The following CEP192 variants were observed in gnomAD, a reference collection of about 807,000 sequenced individuals.
CEP192 encodes the protein centrosomal protein 192, also known as centrosomal protein of 192 kDa.
Under a neutral mutation model 271.8 loss-of-function variants are expected in CEP192, and 151 were observed. That is an observed-to-expected ratio of 0.56 (90% CI 0.49 to 0.64). The LOEUF is 0.64. Ranked by LOEUF, CEP192 falls within the 30% of genes least tolerant of loss-of-function variation. CEP192 has a pLI of 0.00. For synonymous variants in CEP192, 995 were observed against 1,076.5 expected (o/e 0.92, Z 1.48); for missense variants, 2,910 against 3,020.5 (o/e 0.96, Z 0.86).
intron 1 of CEP192, among the ~76,000 whole-genome samples, chr18:12,998,095 T>A (rs1289321608): frequency 6.6e-6 from 1 of 152,220 alleles, no homozygotes; most frequent in East Asian, 1.9e-4. Flanking sequence ...CCATACTGTC[T>A]AAAATCTATG....
At chr18:13,046,480 T>C (rs1430561547) in intron 15 of CEP192, among the ~76,000 whole-genome samples, 2 of 152,214 alleles carry the variant, frequency 1.3e-5, no homozygotes, top group Non-Finnish European at 2.9e-5. Flanking sequence ...CTTTGTTCTT[T>C]TTCTTTTGGC....
chr18:13,098,522 C>T (rs1266020969), intron 36 of CEP192, among the ~76,000 whole-genome samples: 7 of 151,302 alleles, frequency 4.6e-5, no homozygotes, highest in Admixed American at 6.6e-5. Context: ...CGGGCAGAGG[C>T]GCTCCTCACA....
intron 4 of CEP192, among the ~76,000 whole-genome samples, chr18:13,011,194 T>C (rs1343259503): frequency 6.7e-6 from 1 of 148,524 alleles, no homozygotes; most frequent in Non-Finnish European, 1.5e-5. Context: ...GCCACTGCAT[T>C]CCAGCCTGGG....
At chr18:13,103,366 T>C in intron 38 of CEP192, 143 bp from the exon 39 acceptor site, 1 of 637,214 alleles carries the variant, frequency 1.6e-6, no homozygotes, top group Non-Finnish European at 2.8e-6. Context: ...TTAAAGAAAA[T>C]ACTGTGGTTC....
chr18:13,040,808 T>C (rs2036160487), intron 13 of CEP192, 22 bp from the exon 14 acceptor site: 1 of 1,555,624 alleles, frequency 6.4e-7, no homozygotes. Flanking sequence ...AAAGAAATAA[T>C]TTACCTTTAA....
At chr18:13,113,130 C>T (rs971607397) in intron 40 of CEP192, among the ~76,000 whole-genome samples, 26 of 152,188 alleles carry the variant, frequency 1.7e-4, no homozygotes, top group Non-Finnish European at 4.4e-5. Flanking sequence ...TTGTCTTGTT[C>T]TGCCTCCTGT....
intron 15 of CEP192, among the ~76,000 whole-genome samples, chr18:13,045,831 A>G (rs1187681169): frequency 6.6e-6 from 1 of 152,156 alleles, no homozygotes; most frequent in Non-Finnish European, 1.5e-5. Flanking sequence ...CTTTTTTCCT[A>G]AATCTAGTCT....
rs114402161 is a variant in CEP192, at chr18:12,993,710, C to T, written c.-5+2273C>T. On this transcript the variant is annotated intron_variant, in intron 1 of 44. Transcript: ENST00000506447. ...TGCCTAGGTGGGAATCCTCTGGCCTCATTTGTGCTATGTGGACTGGAAACG... is the reference window on the plus strand; with the variant it reads ...TGCCTAGGTGGGAATCCTCTGGCCTTATTTGTGCTATGTGGACTGGAAACG... Among the ~76,000 whole-genome samples the T allele has an allele frequency of 3.0e-3, 450 of 152,282 alleles. 6 individuals carry two copies. The East Asian group carries it at 0.036, about 12-fold the overall frequency.
chr18:13,013,888 G>C (rs1020731102), intron 5 of CEP192, among the ~76,000 whole-genome samples: 1 of 152,164 alleles, frequency 6.6e-6, no homozygotes. Context: ...ATGCAAAAGG[G>C]TCTAAAGTAA....
chr18:13,071,411 C>T (rs1318912766), intron 28 of CEP192, among the ~76,000 whole-genome samples, 199 bp downstream of exon 28: 4 of 152,320 alleles, frequency 2.6e-5, no homozygotes, highest in South Asian at 4.1e-4. Flanking sequence ...GAGCACCTGA[C>T]GCATGACCAA....
chr18:13,104,259 C>T (rs796747092), intron 39 of CEP192, among the ~76,000 whole-genome samples: 17 of 152,286 alleles, frequency 1.1e-4, no homozygotes, highest in African/African-American at 4.1e-4. Flanking sequence ...GTCATATGTT[C>T]CCAGCCAGCG....
At chr18:13,107,304 TGAG>T (rs1160789332) in intron 40 of CEP192, among the ~76,000 whole-genome samples, 1 of 152,218 alleles carries the variant, frequency 6.6e-6, no homozygotes, top group Non-Finnish European at 1.5e-5. Context: ...TGAGCCAGGC[TGAG>T]CAATACAGTG....
intron 30 of CEP192, among the ~76,000 whole-genome samples, chr18:13,075,932 G>T (rs974102986): frequency 6.6e-6 from 1 of 152,168 alleles, no homozygotes; most frequent in African/African-American, 2.4e-5. Context: ...TAACAGCTCT[G>T]TGTATTGTCA....
chr18:13,104,218 G>A (rs1168006129), intron 39 of CEP192, among the ~76,000 whole-genome samples: 5 of 152,202 alleles, frequency 3.3e-5, no homozygotes, highest in African/African-American at 1.2e-4. Flanking sequence ...ATGTGCACAT[G>A]CATGGCTTTT....
In CEP192 at chr18:13,068,411, T is replaced by A; in HGVS notation, c.4811T>A (p.Ile1604Asn). 1.2e-6 allele frequency: 2 copies of A among 1,610,490 alleles called. No homozygotes were observed. The highest frequency in any genetic ancestry group is 8.5e-7 in the Non-Finnish European group (1 of 1,177,480). ...CTTTTCCATAGTCCAAAGAAACAGA[T>A]CAGCTCTTCAGGTATCATGTTTACA... ...WVLFHSPKKQ[I>N]SSSDILDSAE... The change falls in exon 24 of 45, where the codon ATC becomes AAC. Residue 1604 changes from isoleucine to asparagine, a missense_variant. By Grantham distance (149) the Ile-to-Asn change is moderately radical (BLOSUM62 -3). Coordinates refer to ENST00000506447, the MANE Select transcript of CEP192 (RefSeq NM_032142.4).
At position 13,113,582 on chromosome 18, in the gene CEP192, G is replaced by T. The variant is rs371084109; in HGVS notation, c.7048-4G>T. The T allele has an allele frequency of 6.2e-7, 1 of 1,612,578 alleles. No homozygotes were observed. ...TAAATTTCTCTTCTGTATGTATTTC[G>T]TAGGTCTCCATCACATTTTTGCCCA... On this transcript the variant is annotated splice_polypyrimidine_tract_variant and splice_region_variant and intron_variant, in intron 40 of 44. Coordinates refer to ENST00000506447, the MANE Select transcript of CEP192 (RefSeq NM_032142.4).
At chr18:13,071,715 TTTG>T (rs1380948453) in intron 28 of CEP192, among the ~76,000 whole-genome samples, 2 of 148,710 alleles carry the variant, frequency 1.3e-5, no homozygotes, top group South Asian at 2.2e-4. Context: ...TGTAAAATTG[TTTG>T]TTGTTGTTTT....
intron 24 of CEP192, 23 bp downstream of exon 24, chr18:13,068,445 G>T: frequency 6.4e-7 from 1 of 1,561,028 alleles, no homozygotes; most frequent in Non-Finnish European, 8.8e-7. Context: ...CACTGTGTGG[G>T]AATTGCTTTA....
At chr18:13,107,336 A>T (rs994526146) in intron 40 of CEP192, among the ~76,000 whole-genome samples, 23 of 152,302 alleles carry the variant, frequency 1.5e-4, no homozygotes, top group Admixed American at 6.5e-4. Context: ...TCTCAAAAAA[A>T]TTTTTTTAAT....
Sources: allele counts gnomAD v4.1 joint callset (sites outside exome capture counted in the v4.1 genomes callset), GRCh38; gene constraint gnomAD v4.1.1; transcripts MANE v1.5; gene names NCBI Gene and HGNC (gene_info 2026-07-23, HGNC 2026-07-21).